KRT38: variants seen among roughly 807,000 people sequenced by gnomAD.
KRT38 encodes the protein keratin, type I cuticular Ha8.
In KRT38, 45 loss-of-function variants were observed where a neutral mutation model predicts 43.1. The ratio of observed to expected loss-of-function variants is 1.04; its 90% CI spans 0.82 to 1.34. The LOEUF (loss-of-function observed/expected upper bound fraction) is 1.34. KRT38 is among the 40% of genes most tolerant of loss of function. KRT38 has a pLI of 0.00. For missense variants in KRT38, 627 were observed against 586.2 expected (o/e 1.07, Z -0.72); for synonymous variants, 258 against 244.0 (o/e 1.06, Z -0.53).
intron 2 of KRT38, 115 bp from the exon 3 acceptor site, chr17:41,439,474 C>A (rs1424237737): frequency 8.8e-6 from 11 of 1,246,364 alleles, no homozygotes; most frequent in Non-Finnish European, 1.2e-5. Flanking sequence ...CTCTGTTTAG[C>A]CCTCTGTCCT....
chr17:41,439,262 C>T lies in KRT38; in HGVS notation c.673G>A (p.Glu225Lys), dbSNP rs781724747. 1.9e-6 allele frequency: 3 copies of T among 1,614,228 alleles called. No individual in the cohort carries two copies. The highest frequency in any genetic ancestry group is 2.5e-6 in the Non-Finnish European group (3 of 1,180,040). The change falls in exon 3 of 7, where the codon GAG becomes AAG. Residue 225 changes from glutamate (E) to lysine (K), a missense_variant. Transcript: ENST00000246646. ...DDATLAKADLEAQQESLKEEQ... is the reference protein window; with the variant it reads ...DDATLAKADLKAQQESLKEEQ... The stretch of plus-strand genomic sequence containing the variant: ...TCCTTCAGGGACTCCTGCTGGGCCT[C>T]CAGGTCGGCCTTGGCCAGGGTCGCA...
rs2018736907 is a variant in KRT38 at position 41,437,373 on chromosome 17, A to C, written c.*39T>G. 1 of 1,498,634 alleles carries C rather than the reference A, an allele frequency of 6.7e-7. No homozygotes were observed. The highest frequency in any genetic ancestry group is 1.4e-5 in the South Asian group (1 of 73,400). The allele number at this position is 1,498,634 out of a possible 1,614,324, so 92.8% of individuals were successfully genotyped here. ...GTATAACAAGCATCTCTCTTTGGGT[A>C]TCCCTCGCCTTAGCCAGCCCCTGTG... is the stretch of plus-strand genomic sequence containing the variant. On this transcript the variant is annotated 3_prime_UTR_variant, in exon 7 of 7. Coordinates refer to ENST00000246646, the MANE Select transcript of KRT38 (RefSeq NM_006771.4).
chr17:41,438,474 G>C lies in KRT38; in HGVS notation c.1020+17C>G. On this transcript the variant is annotated intron_variant, in intron 5 of 6. Transcript: ENST00000246646. ...GCACGGGGCATTTGCAGTGCAGTGA[G>C]AGTGAAGGACACGTACCAAGGTGTG... The C allele has an allele frequency of 6.2e-7, 1 of 1,614,214 alleles. No individual in the cohort carries two copies.
Position 41,438,476 on chromosome 17 carries a change from G to A in KRT38, c.1020+15C>T, listed in dbSNP as rs2018755998. On this transcript the variant is annotated intron_variant, in intron 5 of 6. Coordinates refer to ENST00000246646, the MANE Select transcript of KRT38 (RefSeq NM_006771.4). ...ACGGGGCATTTGCAGTGCAGTGAGA[G>A]TGAAGGACACGTACCAAGGTGTGCT... 2.5e-6 allele frequency: 4 copies of A among 1,614,230 alleles called. No homozygotes were observed. The highest frequency in any genetic ancestry group is 3.4e-6 in the Non-Finnish European group (4 of 1,180,044).
rs769590729 is a variant in KRT38 at position 41,440,735 on chromosome 17, C to T, written c.187G>A (p.Gly63Ser). ...NRVRVGSTPL[G>S]RPSLCLPPTC... ...GGCGGCAGACAGAGGCTGGGGCGGCCCAGGGGAGTGGACCCCACACGGACT... is the reference window on the plus strand; with the variant it reads ...GGCGGCAGACAGAGGCTGGGGCGGCTCAGGGGAGTGGACCCCACACGGACT... The change falls in exon 1 of 7, where the codon GGC (glycine) becomes AGC (serine). Residue 63 changes from glycine to serine, a missense_variant. Gly to Ser is a moderately conservative substitution (Grantham distance 56). Coordinates refer to ENST00000246646, the MANE Select transcript of KRT38 (RefSeq NM_006771.4). 7 of 1,613,974 alleles carry T rather than the reference C, an allele frequency of 4.3e-6. No individual in the cohort carries two copies. Among genetic ancestry groups the T allele is most frequent in the South Asian group, 1.1e-5 (1 of 91,068 alleles).
chr17:41,440,613 A>G lies in KRT38; in HGVS notation c.309T>C (p.His103=), dbSNP rs759415463. The G allele has an allele frequency of 1.9e-6, 3 of 1,614,034 alleles. No individual in the cohort carries two copies. The highest frequency in any genetic ancestry group is 2.5e-6 in the Non-Finnish European group (3 of 1,180,048). Residue 103 remains histidine, a synonymous_variant, in exon 1 of 7, where the codon CAT becomes CAC. Transcript: ENST00000246646. ...GAYGENTLNG[H]EKETMQFLND... ...TCAGGAACTGCATGGTCTCCTTCTCATGGCCATTCAGGGTGTTTTCACCAT... is the reference window on the plus strand; with the variant it reads ...TCAGGAACTGCATGGTCTCCTTCTCGTGGCCATTCAGGGTGTTTTCACCAT...
Position 41,438,592 on chromosome 17 carries a change from T to G in KRT38, c.919A>C (p.Met307Leu), listed in dbSNP as rs749319056. The change falls in exon 5 of 7, where the codon ATG becomes CTG. Residue 307 changes from methionine (M) to leucine (L), a missense_variant. Met to Leu is a conservative substitution (Grantham distance 15, BLOSUM62 2). Coordinates refer to ENST00000246646, the MANE Select transcript of KRT38 (RefSeq NM_006771.4). Reference sequence around the variant, plus strand: ...CACTGCAGCTCCTCGGAGCAGGACATGTCCTGCAGGCTGATGCCTTCAGAC... The same window carrying G: ...CACTGCAGCTCCTCGGAGCAGGACAGGTCCTGCAGGCTGATGCCTTCAGAC... ...AQSEGISLQD[M>L]SCSEELQCCQ... The G allele has an allele frequency of 5.6e-5, 90 of 1,613,982 alleles. 1 individual carries two copies. The South Asian group carries it at 9.0e-4, about 16-fold the overall frequency.
Position 41,436,477 on chromosome 17 carries a change from G to T in KRT38, c.*935C>A, listed in dbSNP as rs1376557358. 6.6e-6 allele frequency: 1 copy of T among 152,282 alleles called. No homozygotes were observed. Among genetic ancestry groups the T allele is most frequent in the Non-Finnish European group, 1.5e-5 (1 of 68,080 alleles). 9.4% of individuals were successfully genotyped at this position (152,282 alleles called of 1,614,324 possible). A position where few individuals can be genotyped will look rare whatever the true frequency, so the allele number is the denominator to read the frequency against. On this transcript the variant is annotated 3_prime_UTR_variant, in exon 7 of 7. Coordinates refer to ENST00000246646, the MANE Select transcript of KRT38 (RefSeq NM_006771.4). The stretch of plus-strand genomic sequence containing the variant: ...GGTCTCCAGGCATGTCCAAGGAACA[G>T]AAAGGCCAGTGTGGCTGAATCATGG...
chr17:41,438,343 A>G, intron 5 of KRT38, 30 bp from the exon 6 acceptor site: 1 of 1,607,850 alleles, frequency 6.2e-7, no homozygotes, highest in Non-Finnish European at 8.5e-7. Flanking sequence ...GATAAAATAT[A>G]CAAGGCCCCA....
intron 1 of KRT38, 69 bp from the exon 2 acceptor site, chr17:41,440,312 T>C: frequency 6.2e-7 from 1 of 1,604,294 alleles, no homozygotes; most frequent in Non-Finnish European, 8.5e-7. Context: ...ACGTGTGGTG[T>C]CTATGATCAT....
At position 41,438,111 on chromosome 17, in the gene KRT38, A is replaced by G; in HGVS notation, c.1223T>C (p.Leu408Pro). The G allele has an allele frequency of 1.2e-6, 2 of 1,614,168 alleles. No individual in the cohort carries two copies. The highest frequency in any genetic ancestry group is 1.3e-5 in the African/African-American group (1 of 75,044). The stretch of plus-strand genomic sequence containing the variant: ...CACGTACTTGCAGTCCTCGCTTTCC[A>G]GAAGGTTCCGGTACGTGGCAATCTC... ...ENEIATYRNL[L>P]ESEDCKLPCN... is the part of the protein sequence containing the mutation. The change falls in exon 6 of 7, where the codon CTG (leucine) becomes CCG (proline). Residue 408 changes from leucine (L) to proline (P), a missense_variant. Physicochemically the swap from Leu to Pro is moderately conservative, Grantham distance 98. Coordinates refer to ENST00000246646, the MANE Select transcript of KRT38 (RefSeq NM_006771.4).
rs1482251538 is a variant in KRT38 at position 41,436,365 on chromosome 17, A to T, written c.*1047T>A. ...TCCTTTAGGCTGGTGGCCAAGCAGG[A>T]GCTCTCAGAGGAAGGAACATTTCCG... On this transcript the variant is annotated 3_prime_UTR_variant, in exon 7 of 7. Transcript: ENST00000246646. 6.6e-6 allele frequency: 1 copy of T among 152,230 alleles called. No homozygotes were observed. Among genetic ancestry groups the T allele is most frequent in the Non-Finnish European group, 1.5e-5 (1 of 68,112 alleles). 9.4% of individuals were successfully genotyped at this position (152,230 alleles called of 1,614,324 possible).
At chr17:41,437,612 G>A in intron 6 of KRT38, 71 bp from the exon 7 acceptor site, 1 of 1,480,130 alleles carries the variant, frequency 6.8e-7, no homozygotes, top group East Asian at 2.6e-5. Context: ...GTGGGGGCAT[G>A]AGGAAGGAGT....
In KRT38 at chr17:41,440,821, G is replaced by A. The variant is rs1261331626; in HGVS notation, c.101C>T (p.Pro34Leu). 4 of 1,609,408 alleles carry A rather than the reference G, an allele frequency of 2.5e-6. No individual in the cohort carries two copies. In the East Asian group the frequency reaches 6.7e-5, roughly 27 times the overall value. ...GGGGGCAATGTTGGCCTCTGCCCCA[G>A]GCTGGCACCCAATGTCGATGGGAGA... ...SVSPIDIGCQ[P>L]GAEANIAPMC... The change falls in exon 1 of 7, where the codon CCT becomes CTT. Residue 34 changes from proline to leucine, a missense_variant. By Grantham distance (98) the Pro-to-Leu change is moderately conservative. Transcript: ENST00000246646.
In KRT38 at chr17:41,437,382, C is replaced by T. The variant is rs1461574982; in HGVS notation, c.*30G>A. ...GCATCTCTCTTTGGGTATCCCTCGC[C>T]TTAGCCAGCCCCTGTGGGTCCACAG... On this transcript the variant is annotated 3_prime_UTR_variant, in exon 7 of 7. Coordinates refer to ENST00000246646, the MANE Select transcript of KRT38 (RefSeq NM_006771.4). 1 of 1,515,100 alleles carries T rather than the reference C, an allele frequency of 6.6e-7. No individual in the cohort carries two copies. The highest frequency in any genetic ancestry group is 2.6e-5 in the East Asian group (1 of 39,204). 93.9% of individuals were successfully genotyped at this position (1,515,100 alleles called of 1,614,324 possible).
At position 41,440,743 on chromosome 17, in the gene KRT38, G is replaced by A; in HGVS notation, c.179C>T (p.Thr60Ile). The change falls in exon 1 of 7, where the codon ACT becomes ATT. Residue 60 changes from threonine (T) to isoleucine (I), a missense_variant. Coordinates refer to ENST00000246646, the MANE Select transcript of KRT38 (RefSeq NM_006771.4). ...AHANRVRVGS[T>I]PLGRPSLCLP... ...ACAGAGGCTGGGGCGGCCCAGGGGA[G>A]TGGACCCCACACGGACTCGGTTGGC... The A allele has an allele frequency of 6.2e-7, 1 of 1,614,032 alleles. No homozygotes were observed. The highest frequency in any genetic ancestry group is 8.5e-7 in the Non-Finnish European group (1 of 1,179,934).
rs757433395 is a variant in KRT38 at position 41,438,686 on chromosome 17, C to CG, written c.894+10_894+11insC. ...CCAGGTACCCCCTGGTTCTATACCCCCCCCACTCACCTGGGCTTGGAACCA... is the reference window on the plus strand; with the variant it reads ...CCAGGTACCCCCTGGTTCTATACCCCGCCCCACTCACCTGGGCTTGGAACCA... On this transcript the variant is annotated intron_variant, in intron 4 of 6. Coordinates refer to ENST00000246646, the MANE Select transcript of KRT38 (RefSeq NM_006771.4). The CG allele has an allele frequency of 6.2e-7, 1 of 1,613,606 alleles. No homozygotes were observed. The highest frequency in any genetic ancestry group is 8.5e-7 in the Non-Finnish European group (1 of 1,179,720).
chr17:41,437,808 G>C (rs2018742658), intron 6 of KRT38, among the ~76,000 whole-genome samples: 1 of 152,162 alleles, frequency 6.6e-6, no homozygotes, highest in African/African-American at 2.4e-5. Context: ...AAATCTGCTG[G>C]ATCTATGGAC....
At chr17:41,437,601 T>A in intron 6 of KRT38, 60 bp from the exon 7 acceptor site, 3 of 1,506,756 alleles carry the variant, frequency 2.0e-6, no homozygotes, top group East Asian at 2.5e-5. Context: ...CTCAGTGCCA[T>A]GTGGGGGCAT....
Sources: allele counts gnomAD v4.1 joint callset (sites outside exome capture counted in the v4.1 genomes callset), GRCh38; gene constraint gnomAD v4.1.1; transcripts MANE v1.5; gene names NCBI Gene and HGNC (gene_info 2026-07-23, HGNC 2026-07-21).